SGK1: variants seen among roughly 807,000 people sequenced by gnomAD.
SGK1 encodes the protein serine/threonine-protein kinase Sgk1.
SGK1 carries 26 observed loss-of-function variants against 64.2 expected under a neutral mutation model. The ratio of observed to expected loss-of-function variants is 0.40; its 90% CI spans 0.30 to 0.56. SGK1 has a LOEUF of 0.56. Ranked by LOEUF, SGK1 falls within the 20% of genes least tolerant of loss-of-function variation. The probability of loss-of-function intolerance (pLI) is 0.38; values close to 1 mark genes in which losing one functional copy is unlikely to be tolerated. For missense variants in SGK1, 519 were observed against 645.6 expected (o/e 0.80, Z 2.12); for synonymous variants, 265 against 239.7 (o/e 1.11, Z -0.98).
intron 3 of SGK1, among the ~76,000 whole-genome samples, chr6:134,190,062 C>A (rs932233165): frequency 6.6e-5 from 10 of 152,122 alleles, no homozygotes; most frequent in Non-Finnish European, 4.4e-5. Context: ...GTTGGCCAGG[C>A]TGGTCTTAAA....
intron 2 of SGK1, among the ~76,000 whole-genome samples, chr6:134,238,616 A>G (rs1020291927): frequency 2.0e-5 from 3 of 152,036 alleles, no homozygotes; most frequent in Non-Finnish European, 2.9e-5. Flanking sequence ...ACTTTCATGC[A>G]TCAAAAGATG....
chr6:134,222,520 G>A (rs1235178215), intron 2 of SGK1, among the ~76,000 whole-genome samples: 2 of 151,930 alleles, frequency 1.3e-5, no homozygotes, highest in African/African-American at 4.8e-5. Flanking sequence ...ATTTTTAGTA[G>A]AGATGGGGTT....
intron 3 of SGK1, among the ~76,000 whole-genome samples, chr6:134,175,220 T>C (rs1010363402): frequency 2.0e-5 from 3 of 152,116 alleles, no homozygotes; most frequent in African/African-American, 7.2e-5. Flanking sequence ...GAAAGCCGGG[T>C]TCGCAGCGCC....
intron 3 of SGK1, among the ~76,000 whole-genome samples, chr6:134,178,496 T>C (rs2114650436): frequency 6.6e-6 from 1 of 152,346 alleles, no homozygotes; most frequent in Middle Eastern, 3.4e-3. Context: ...CTGTAGCTGC[T>C]ATTCAAACTC....
rs1165263565 is a variant in SGK1 at position 134,265,839 on chromosome 6, GT to G, written c.70-3692del. Among the ~76,000 whole-genome samples the G allele has an allele frequency of 2.0e-4, 31 of 151,302 alleles. No homozygotes were observed. In the Admixed American group the frequency reaches 2.1e-3, roughly 10 times the overall value. On this transcript the variant is annotated intron_variant, in intron 1 of 13. Coordinates refer to ENST00000367858, the MANE Select transcript of SGK1 (RefSeq NM_001143676.3). ...TCTTTAAAAAATAGAGTCTCACCAT[GT>G]TGGTCAAGCCAAGCTGGTTAGAACT...
At chr6:134,279,853 G>T (rs1275063522) in intron 1 of SGK1, among the ~76,000 whole-genome samples, 1 of 152,096 alleles carries the variant, frequency 6.6e-6, no homozygotes, top group Admixed American at 6.6e-5. Flanking sequence ...TTACAGTCTG[G>T]TTAAGTAAAA....
At chr6:134,260,029 A>G (rs1488793298) in intron 2 of SGK1, 1 of 152,178 alleles carries the variant, frequency 6.6e-6, no homozygotes, top group African/African-American at 2.4e-5. Context: ...TTTCATATCA[A>G]TCTCATTTGA....
chr6:134,228,242 A>G (rs1400562598), intron 2 of SGK1, among the ~76,000 whole-genome samples: 1 of 152,186 alleles, frequency 6.6e-6, no homozygotes, highest in Non-Finnish European at 1.5e-5. Context: ...GGCATAAGCC[A>G]CTGCACCTGA....
chr6:134,220,058 C>CAAAAAAAAAAAAAAA (rs55870107), intron 2 of SGK1, among the ~76,000 whole-genome samples: 71 of 61,352 alleles, frequency 1.2e-3, no homozygotes, highest in African/African-American at 3.2e-3. Flanking sequence ...GACTCCGTCT[C>CAAAAAAAAAAAAAAA]AAAAAAAAAA....
chr6:134,176,699 A>T (rs1293130148), intron 3 of SGK1, among the ~76,000 whole-genome samples: 2 of 152,198 alleles, frequency 1.3e-5, no homozygotes, highest in Non-Finnish European at 2.9e-5. Context: ...CAGTCCCGAA[A>T]TACCAGCTGT....
rs1562235087 is a variant in SGK1 at position 134,170,314 on chromosome 6, G to A, written c.1535C>T (p.Ala512Val). ...VTASVKEAAE[A>V]FLGFSYAPPT... ...AGGCGCATAGGAAAAGCCTAGGAAA[G>A]CCTCGGCAGCTTCCTTGACGCTGGC... The change falls in exon 14 of 14, where the codon GCT becomes GTT. Residue 512 changes from alanine to valine, a missense_variant. This residue lies in a region of SGK1 where 278 missense variants were observed against 408.7 expected (regional missense o/e 0.68). Transcript: ENST00000367858. The A allele has an allele frequency of 1.2e-6, 2 of 1,614,034 alleles. No homozygotes were observed. The highest frequency in any genetic ancestry group is 2.2e-5 in the East Asian group (1 of 44,880).
At chr6:134,281,022 C>T (rs901900019) in intron 1 of SGK1, among the ~76,000 whole-genome samples, 14 of 152,098 alleles carry the variant, frequency 9.2e-5, no homozygotes, top group African/African-American at 2.4e-4. Flanking sequence ...GAGCCAAGAT[C>T]GCACCATTGC....
At chr6:134,206,968 G>A (rs1033417137) in intron 3 of SGK1, among the ~76,000 whole-genome samples, 1 of 151,968 alleles carries the variant, frequency 6.6e-6, no homozygotes. Context: ...GCTCACGCCT[G>A]TAATCCCAGC....
chr6:134,175,638 C>T (rs1775210014), intron 3 of SGK1: 2 of 1,532,802 alleles, frequency 1.3e-6, no homozygotes, highest in Non-Finnish European at 1.8e-6. Context: ...GGGCTCTGGC[C>T]AGCGCGCCCT....
At chr6:134,258,980 C>T (rs1776724067) in intron 2 of SGK1, among the ~76,000 whole-genome samples, 1 of 151,844 alleles carries the variant, frequency 6.6e-6, no homozygotes, top group Admixed American at 6.6e-5. Flanking sequence ...AGAGCAAAAC[C>T]TTGTCTCAAA....
At chr6:134,306,225 C>A (rs1777533132) in intron 1 of SGK1, among the ~76,000 whole-genome samples, 1 of 152,058 alleles carries the variant, frequency 6.6e-6, no homozygotes, top group Non-Finnish European at 1.5e-5. Context: ...GAGTTCGAGA[C>A]CTGCCTGGCC....
rs79009962 is a variant in SGK1 at position 134,232,413 on chromosome 6, G to GAAAAGAAAGAAAGAGAGAAAGAA, written c.286-24983_286-24982insTTCTTTCTCTCTTTCTTTCTTTT. 1.2e-3 allele frequency among the ~76,000 whole-genome samples: 57 copies of GAAAAGAAAGAAAGAGAGAAAGAA among 47,778 alleles called. 6 individuals are homozygous for GAAAAGAAAGAAAGAGAGAAAGAA. The highest frequency in any genetic ancestry group is 4.3e-3 in the East Asian group (6 of 1,398). The allele number at this position is 47,778 out of a possible 152,430, so 31.3% of individuals were successfully genotyped here. A position where few individuals can be genotyped will look rare whatever the true frequency, so the allele number is the denominator to read the frequency against. ...AAAAGAAAGAAGAAAAAGAAAGAAA[G>GAAAAGAAAGAAAGAGAGAAAGAA]AGAAAGAAAGAAAGAAAGAAAGAAA... On this transcript the variant is annotated intron_variant, in intron 2 of 13. Transcript: ENST00000367858.
At chr6:134,245,218 G>A (rs969221178) in intron 2 of SGK1, among the ~76,000 whole-genome samples, 5 of 152,216 alleles carry the variant, frequency 3.3e-5, no homozygotes, top group Admixed American at 6.5e-5. Context: ...CTAAAGGTGT[G>A]AGGCACCATG....
At position 134,205,209 on chromosome 6, in the gene SGK1, C is replaced by T. The variant is rs560898333; in HGVS notation, c.361+2147G>A. 8.5e-5 allele frequency among the ~76,000 whole-genome samples: 13 copies of T among 152,256 alleles called. No homozygotes were observed. The East Asian group carries it at 2.5e-3, about 29-fold the overall frequency. On this transcript the variant is annotated intron_variant, in intron 3 of 13. Transcript: ENST00000367858. ...GGTAATGTTTCATTCTACATTGCTT[C>T]TTCATAACACATGTGCTGTAGATCT...
Sources: gnomAD v4.1 joint callset for allele counts (sites outside exome capture counted in the v4.1 genomes callset) on GRCh38, gnomAD v4.1.1 for gene constraint, gnomAD v4.1.1 regional missense constraint, MANE v1.5 for transcripts, NCBI Gene and HGNC (gene_info 2026-07-23, HGNC 2026-07-21) for gene names.